RAB5B: variants seen among roughly 807,000 people sequenced by gnomAD.
RAB5B encodes the protein ras-related protein Rab-5B.
A neutral mutation model predicts 28.6 loss-of-function variants in RAB5B; 11 were observed. The ratio of observed to expected loss-of-function variants is 0.38; its 90% CI spans 0.24 to 0.64. The LOEUF is 0.64. RAB5B is among the 30% of genes least tolerant of loss of function. RAB5B has a pLI of 0.53. For synonymous variants in RAB5B, 93 were observed against 97.9 expected, an observed-to-expected ratio of 0.95 and a Z score of 0.29; for missense variants, 169 against 265.6, an observed-to-expected ratio of 0.64 and a Z score of 2.53.
In RAB5B at chr12:55,974,143, C is replaced by G. The variant is rs1889573811; in HGVS notation, c.-93+4C>G. ...GACGGGGGAGACGGAGCCCCAGGTA[C>G]CGAGCTGATGGAGCCCAAAGGGCAG... On this transcript the variant is annotated splice_donor_region_variant and intron_variant, in intron 1 of 5. Transcript: ENST00000360299. 1 of 152,778 alleles carries G rather than the reference C, an allele frequency of 6.5e-6. No individual in the cohort carries two copies. Among genetic ancestry groups the G allele is most frequent in the Non-Finnish European group, 1.5e-5 (1 of 68,496 alleles). The allele number at this position is 152,778 out of a possible 1,614,324, so 9.5% of individuals were successfully genotyped here.
At chr12:55,985,045 C>T (rs1333042011) in intron 1 of RAB5B, among the ~76,000 whole-genome samples, 1 of 152,192 alleles carries the variant, frequency 6.6e-6, no homozygotes, top group Non-Finnish European at 1.5e-5. Flanking sequence ...TGCATTATCT[C>T]ATTTAATCCT....
At chr12:55,984,728 A>T (rs947401094) in intron 1 of RAB5B, among the ~76,000 whole-genome samples, 1 of 151,814 alleles carries the variant, frequency 6.6e-6, no homozygotes, top group Admixed American at 6.6e-5. Context: ...GATCCACCTC[A>T]GCCTCCCAAA....
Position 55,990,813 on chromosome 12 carries a change from GC to G in RAB5B, c.438+12del. ...GTATGGTGGAGTATGAAGTAAGGTG[GC>G]CCGTGGAGTTCCTCTCTAACACTTC... On this transcript the variant is annotated intron_variant, in intron 4 of 5. Coordinates refer to ENST00000360299, the MANE Select transcript of RAB5B (RefSeq NM_002868.4). 6.2e-7 allele frequency: 1 copy of G among 1,613,228 alleles called. No individual in the cohort carries two copies. Among genetic ancestry groups the G allele is most frequent in the East Asian group, 2.2e-5 (1 of 44,852 alleles).
intron 1 of RAB5B, among the ~76,000 whole-genome samples, chr12:55,984,750 A>G (rs1298732587): frequency 1.3e-5 from 2 of 152,220 alleles, no homozygotes; most frequent in East Asian, 3.8e-4. Context: ...TGCTGGGATT[A>G]TAGGTATGAG....
At position 55,990,665 on chromosome 12, in the gene RAB5B, T is replaced by C. The variant is rs777063860; in HGVS notation, c.316-17T>C. On this transcript the variant is annotated splice_polypyrimidine_tract_variant and intron_variant, in intron 3 of 5. Coordinates refer to ENST00000360299, the MANE Select transcript of RAB5B (RefSeq NM_002868.4). ...GGCAGTCATTCCAGCCTACTCATTC[T>C]CTTCATGTTTTCCTAGGAAACCTTT... The C allele has an allele frequency of 6.2e-7, 1 of 1,612,956 alleles. No homozygotes were observed. Among genetic ancestry groups the C allele is most frequent in the East Asian group, 2.2e-5 (1 of 44,850 alleles).
Position 55,991,998 on chromosome 12 carries a change from C to T in RAB5B, c.533-99C>T. 5 of 805,490 alleles carry T rather than the reference C, an allele frequency of 6.2e-6. No individual in the cohort carries two copies. In the South Asian group the frequency reaches 8.3e-5, roughly 13 times the overall value. 49.9% of individuals were successfully genotyped at this position (805,490 alleles called of 1,614,324 possible). ...ACATTCTTTTAATCTCTCAAATTCT[C>T]CCTTTTCCCCAATTCAGTAGCCGTT... On this transcript the variant is annotated intron_variant, in intron 5 of 5. Coordinates refer to ENST00000360299, the MANE Select transcript of RAB5B (RefSeq NM_002868.4).
In RAB5B at chr12:55,980,903, T is replaced by C. The variant is rs570052818; in HGVS notation, c.-92-5966T>C. 2.0e-5 allele frequency: 33 copies of C among 1,613,472 alleles called. No homozygotes were observed. In the East Asian group the frequency reaches 7.1e-4, roughly 35 times the overall value. On this transcript the variant is annotated intron_variant, in intron 1 of 5. Transcript: ENST00000360299. Reference sequence around the variant, plus strand: ...TATATCCACAGTGCGGATCTTGAAATCAATTCCGATGGTGGAGATGTAAGT... The same window carrying C: ...TATATCCACAGTGCGGATCTTGAAACCAATTCCGATGGTGGAGATGTAAGT...
At chr12:55,981,156 C>T in intron 1 of RAB5B, 1 of 791,476 alleles carries the variant, frequency 1.3e-6, no homozygotes, top group Non-Finnish European at 2.0e-6. Context: ...CTCTGCCTCC[C>T]AGGTTCAAGC....
rs989370615 is a variant in RAB5B, at chr12:55,994,811, C to G, written c.*2599C>G. On this transcript the variant is annotated 3_prime_UTR_variant, in exon 6 of 6. Transcript: ENST00000360299. ...GGAAGAAAGGATACCCAGTAATGTT[C>G]TACTGAATCAGAAACACACCTTTCC... is the stretch of plus-strand genomic sequence containing the variant. The G allele has an allele frequency of 5.3e-5, 8 of 152,132 alleles. No individual in the cohort carries two copies. Among genetic ancestry groups the G allele is most frequent in the Non-Finnish European group, 1.0e-4 (7 of 68,014 alleles). 9.4% of individuals were successfully genotyped at this position (152,132 alleles called of 1,614,324 possible).
intron 3 of RAB5B, 85 bp from the exon 4 acceptor site, chr12:55,990,597 G>A: frequency 1.9e-6 from 3 of 1,542,988 alleles, no homozygotes; most frequent in South Asian, 2.3e-5. Context: ...ACCTAGAAGA[G>A]GTGAATTTTG....
intron 2 of RAB5B, among the ~76,000 whole-genome samples, chr12:55,989,267 G>A (rs1244558021): frequency 1.3e-5 from 2 of 151,092 alleles, no homozygotes; most frequent in African/African-American, 4.9e-5. Flanking sequence ...TCTTTTGTTT[G>A]TTTGCGTTTG....
At chr12:55,982,229 A>G (rs938009581) in intron 1 of RAB5B, among the ~76,000 whole-genome samples, 17 of 148,018 alleles carry the variant, frequency 1.1e-4, no homozygotes, top group Admixed American at 1.1e-3. Context: ...TCATCATACC[A>G]CTTGACTGGT....
chr12:55,977,677 C>G, intron 1 of RAB5B, among the ~76,000 whole-genome samples: 1 of 152,156 alleles, frequency 6.6e-6, no homozygotes, highest in East Asian at 1.9e-4. Flanking sequence ...TAAGGAAATG[C>G]AGCAGCCCTC....
chr12:55,991,232 C>T (rs1890108426), intron 4 of RAB5B, 128 bp from the exon 5 acceptor site: 1 of 664,702 alleles, frequency 1.5e-6, no homozygotes, highest in Admixed American at 2.4e-5. Flanking sequence ...GGCTAGCTGG[C>T]TCAAAGGGGT....
At chr12:55,979,954 T>TTTTA (rs900991168) in intron 1 of RAB5B, among the ~76,000 whole-genome samples, 8 of 152,174 alleles carry the variant, frequency 5.3e-5, no homozygotes, top group African/African-American at 1.9e-4. Context: ...TTATTTTATT[T>TTTTA]TTTATTTATT....
At chr12:55,980,606 T>C in intron 1 of RAB5B, 1 of 1,600,030 alleles carries the variant, frequency 6.2e-7, no homozygotes, top group Non-Finnish European at 8.6e-7. Flanking sequence ...TCGGATTCCA[T>C]GCTCTCGAGC....
At position 55,992,136 on chromosome 12, in the gene RAB5B, G is replaced by A. The variant is rs1345734193; in HGVS notation, c.572G>A (p.Gly191Asp). The A allele has an allele frequency of 1.9e-6, 3 of 1,614,118 alleles. No homozygotes were observed. Among genetic ancestry groups the A allele is most frequent in the African/African-American group, 1.3e-5 (1 of 75,024 alleles). Reference protein sequence around the residue: ...LPKSEPQNLGGAAGRSRGVDL... With the variant: ...LPKSEPQNLGDAAGRSRGVDL... ...AAGAGTGAACCCCAGAATCTGGGAG[G>A]TGCAGCAGGCCGAAGCCGGGGTGTG... The change falls in exon 6 of 6, where the codon GGT (glycine) becomes GAT (aspartate). Residue 191 changes from glycine to aspartate, a missense_variant. Coordinates refer to ENST00000360299, the MANE Select transcript of RAB5B (RefSeq NM_002868.4).
chr12:55,994,911 T>C lies in RAB5B; in HGVS notation c.*2699T>C, dbSNP rs1268534630. 1 of 152,046 alleles carries C rather than the reference T, an allele frequency of 6.6e-6. No homozygotes were observed. Among genetic ancestry groups the C allele is most frequent in the Non-Finnish European group, 1.5e-5 (1 of 68,012 alleles). 9.4% of individuals were successfully genotyped at this position (152,046 alleles called of 1,614,324 possible). On this transcript the variant is annotated 3_prime_UTR_variant, in exon 6 of 6. Coordinates refer to ENST00000360299, the MANE Select transcript of RAB5B (RefSeq NM_002868.4). ...GTTTAGAAAATAGCCCTTCTATTGC[T>C]ATTTAATCACCCCTCTTCTAAGGCC...
rs1449863019 is a variant in RAB5B, at chr12:55,996,263, T to TA, written c.*4054dup. 5 of 151,954 alleles carry TA rather than the reference T, an allele frequency of 3.3e-5. No individual in the cohort carries two copies. The highest frequency in any genetic ancestry group is 7.4e-5 in the Non-Finnish European group (5 of 68,014). The allele number at this position is 151,954 out of a possible 1,614,324, so 9.4% of individuals were successfully genotyped here. A position where few individuals can be genotyped will look rare whatever the true frequency, so the allele number is the denominator to read the frequency against. ...AAAATTAAAGGTGAACACCTTCACT[T>TA]AAACTGATTAAAATTGCAGCTCCAC... On this transcript the variant is annotated 3_prime_UTR_variant, in exon 6 of 6. Transcript: ENST00000360299.
Sources: gnomAD v4.1 joint callset for allele counts (sites outside exome capture counted in the v4.1 genomes callset) on GRCh38, gnomAD v4.1.1 for gene constraint, MANE v1.5 for transcripts, NCBI Gene and HGNC (gene_info 2026-07-23, HGNC 2026-07-21) for gene names.